KIF13B: variants seen among roughly 807,000 people sequenced by gnomAD.
The protein encoded by KIF13B is kinesin family member 13B, also known as kinesin-like protein KIF13B.
Under a neutral mutation model 222.0 loss-of-function variants are expected in KIF13B, and 127 were observed. That is an observed-to-expected ratio of 0.57 (90% CI 0.50 to 0.66). The LOEUF is 0.66. Among genes scored for constraint, KIF13B ranks in the 30% least tolerant of loss-of-function variants. The probability of loss-of-function intolerance (pLI) is 0.00; values close to 1 mark genes in which losing one functional copy is unlikely to be tolerated. For synonymous variants in KIF13B, 976 were observed against 919.0 expected (o/e 1.06, Z -1.12); for missense variants, 2,173 against 2,379.0 (o/e 0.91, Z 1.80).
intron 21 of KIF13B, among the ~76,000 whole-genome samples, chr8:29,134,851 G>A (rs142862774): frequency 2.6e-5 from 4 of 152,268 alleles, no homozygotes; most frequent in East Asian, 1.9e-4. Context: ...CAGCATTTAC[G>A]GAAAGCCTTC....
intron 2 of KIF13B, among the ~76,000 whole-genome samples, chr8:29,199,959 T>C (rs1422296475): frequency 4.6e-5 from 7 of 152,228 alleles, no homozygotes; most frequent in Non-Finnish European, 1.0e-4. Flanking sequence ...TTTAGTATGA[T>C]ATTTCAAGTT....
intron 2 of KIF13B, among the ~76,000 whole-genome samples, chr8:29,210,331 C>G (rs1814163996): frequency 6.6e-6 from 1 of 152,138 alleles, no homozygotes; most frequent in Admixed American, 6.5e-5. Flanking sequence ...ATCTACTCAC[C>G]AGAGAGAGGG....
intron 7 of KIF13B, among the ~76,000 whole-genome samples, chr8:29,180,860 A>AT (rs1812683942): frequency 6.6e-6 from 1 of 151,716 alleles, no homozygotes. Flanking sequence ...ACCAACCTGG[A>AT]TTTTAACTGC....
chr8:29,220,590 C>T (rs1369976761), intron 2 of KIF13B, among the ~76,000 whole-genome samples: 3 of 151,340 alleles, frequency 2.0e-5, no homozygotes, highest in East Asian at 1.9e-4. Context: ...CTCCATGAAA[C>T]AGCCCATGGG....
intron 6 of KIF13B, among the ~76,000 whole-genome samples, chr8:29,182,702 C>A: frequency 6.6e-6 from 1 of 150,382 alleles, no homozygotes; most frequent in Non-Finnish European, 1.5e-5. Context: ...TAATATAAAC[C>A]AAAAATATTA....
chr8:29,097,646 G>A (rs1006698265), intron 36 of KIF13B, among the ~76,000 whole-genome samples: 9 of 151,976 alleles, frequency 5.9e-5, no homozygotes, highest in African/African-American at 2.2e-4. Context: ...AGCAATCAGA[G>A]GGAAATTTTA....
intron 32 of KIF13B, among the ~76,000 whole-genome samples, chr8:29,112,871 T>C (rs2133620657): frequency 6.6e-6 from 1 of 152,382 alleles, no homozygotes; most frequent in East Asian, 1.9e-4. Context: ...TAAGCTCTGC[T>C]TCTCTGAATC....
At chr8:29,239,352 C>T (rs537710656) in intron 2 of KIF13B, among the ~76,000 whole-genome samples, 1 of 152,350 alleles carries the variant, frequency 6.6e-6, no homozygotes, top group South Asian at 2.1e-4. Flanking sequence ...TTTCACTGCA[C>T]ACTTCCTTGA....
At chr8:29,198,472 C>T (rs1813539002) in intron 2 of KIF13B, among the ~76,000 whole-genome samples, 1 of 152,152 alleles carries the variant, frequency 6.6e-6, no homozygotes, top group South Asian at 2.1e-4. Context: ...CAGGGGCACA[C>T]CACCACGCCC....
intron 32 of KIF13B, among the ~76,000 whole-genome samples, chr8:29,112,719 CTT>C (rs1809415023): frequency 1.3e-5 from 2 of 152,196 alleles, no homozygotes; most frequent in Non-Finnish European, 2.9e-5. Context: ...AGGACCCTCA[CTT>C]CTCCTGGCCC....
intron 2 of KIF13B, among the ~76,000 whole-genome samples, chr8:29,236,071 C>A (rs1289759129): frequency 1.3e-5 from 2 of 152,078 alleles, no homozygotes; most frequent in African/African-American, 4.8e-5. Context: ...ACCATACCAC[C>A]CAACCTCAAA....
At chr8:29,196,245 A>G (rs374901909) in intron 2 of KIF13B, 46 bp from the exon 3 acceptor site, 2 of 14,664 alleles carry the variant, frequency 1.4e-4, no homozygotes, top group Non-Finnish European at 3.0e-4. Context: ...AAGAAAAGTT[A>G]AAAAAAAAAA....
intron 2 of KIF13B, among the ~76,000 whole-genome samples, chr8:29,209,262 C>T (rs1814097863): frequency 6.6e-6 from 1 of 152,086 alleles, no homozygotes; most frequent in Non-Finnish European, 1.5e-5. Flanking sequence ...GCAGTCGTAC[C>T]CAGGCTACAG....
rs373464930 is a variant in KIF13B, at chr8:29,245,370, G to C, written c.125C>G (p.Thr42Arg). The change falls in exon 2 of 40, where the codon ACG becomes AGG. Residue 42 changes from threonine to arginine, a missense_variant. Thr to Arg is a moderately conservative substitution (Grantham distance 71). Coordinates refer to ENST00000524189, the MANE Select transcript of KIF13B (RefSeq NM_015254.4). Reference sequence around the variant, plus strand: ...CCGGGCATCTCCTTTGGAAAGATTCGTATTTACAGGATTAAGAATAACCTT... The same window carrying C: ...CCGGGCATCTCCTTTGGAAAGATTCCTATTTACAGGATTAAGAATAACCTT... The part of the protein sequence containing the change: ...ANKVILNPVN[T>R]NLSKGDARGQ... 2 of 1,599,480 alleles carry C rather than the reference G, an allele frequency of 1.3e-6. No homozygotes were observed. Among genetic ancestry groups the C allele is most frequent in the Admixed American group, 1.7e-5 (1 of 58,208 alleles).
At chr8:29,094,059 G>A (rs1182524620) in intron 36 of KIF13B, among the ~76,000 whole-genome samples, 1 of 152,126 alleles carries the variant, frequency 6.6e-6, no homozygotes, top group Non-Finnish European at 1.5e-5. Flanking sequence ...CCCTCATTAA[G>A]TAAAAATCTA....
chr8:29,202,618 A>G (rs1813744905), intron 2 of KIF13B, among the ~76,000 whole-genome samples: 1 of 152,172 alleles, frequency 6.6e-6, no homozygotes, highest in Admixed American at 6.5e-5. Context: ...TCTTTAGTAT[A>G]AGAATAATTA....
At chr8:29,140,013 C>G in intron 21 of KIF13B, 50 bp downstream of exon 21, 1 of 1,504,154 alleles carries the variant, frequency 6.6e-7, no homozygotes, top group Non-Finnish European at 8.9e-7. Flanking sequence ...ATGGCAAAAA[C>G]TGCAATGACT....
intron 1 of KIF13B, among the ~76,000 whole-genome samples, chr8:29,254,810 A>G (rs766931671): frequency 3.9e-5 from 6 of 152,242 alleles, no homozygotes; most frequent in Non-Finnish European, 8.8e-5. Context: ...GAAAAATGAA[A>G]ACACATGTCT....
At chr8:29,166,202 C>T (rs1811992747) in intron 11 of KIF13B, among the ~76,000 whole-genome samples, 1 of 151,870 alleles carries the variant, frequency 6.6e-6, no homozygotes, top group Non-Finnish European at 1.5e-5. Context: ...TTATTAACAC[C>T]AAGGAGACAA....
Sources: gnomAD v4.1 joint callset for allele counts (sites outside exome capture counted in the v4.1 genomes callset) on GRCh38, gnomAD v4.1.1 for gene constraint, MANE v1.5 for transcripts, NCBI Gene and HGNC (gene_info 2026-07-23, HGNC 2026-07-21) for gene names.